EPC1: variants seen among roughly 807,000 people sequenced by gnomAD.
The protein encoded by EPC1 is enhancer of polycomb 1.
A neutral mutation model predicts 98.4 loss-of-function variants in EPC1; 12 were observed. That is an observed-to-expected ratio of 0.12 (90% CI 0.08 to 0.20). The LOEUF (loss-of-function observed/expected upper bound fraction) is 0.20. Ranked by LOEUF, EPC1 falls within the 10% of genes least tolerant of loss-of-function variation. The probability of loss-of-function intolerance (pLI) is 1.00; values close to 1 mark genes in which losing one functional copy is unlikely to be tolerated. For synonymous variants in EPC1, 357 were observed against 363.9 expected (o/e 0.98, Z 0.21); for missense variants, 729 against 990.5 (o/e 0.74, Z 3.54).
At chr10:32,281,398 C>G (rs1308867976) in intron 10 of EPC1, among the ~76,000 whole-genome samples, 1 of 152,134 alleles carries the variant, frequency 6.6e-6, no homozygotes, top group Non-Finnish European at 1.5e-5. Context: ...TGGCATCAGA[C>G]TACATCAGAG....
intron 1 of EPC1, among the ~76,000 whole-genome samples, chr10:32,313,093 AC>A (rs1357484818): frequency 6.6e-6 from 1 of 151,648 alleles, no homozygotes; most frequent in African/African-American, 2.4e-5. Context: ...TTTTTTAAGG[AC>A]TTCTGAGAGC....
At chr10:32,362,889 A>C (rs1839484423) in intron 1 of EPC1, among the ~76,000 whole-genome samples, 1 of 152,170 alleles carries the variant, frequency 6.6e-6, no homozygotes, top group Non-Finnish European at 1.5e-5. Context: ...GGAAGCCTGT[A>C]CTTCTTCTCC....
chr10:32,268,312 T>G lies in EPC1; in HGVS notation c.*751A>C, dbSNP rs1029829228. On this transcript the variant is annotated 3_prime_UTR_variant, in exon 14 of 14. Transcript: ENST00000319778. ...TAAGTACCAGAAACCACCCACAGCTTTGTGGGCAAGTTGGGGATGGAAAGA... is the reference window on the plus strand; with the variant it reads ...TAAGTACCAGAAACCACCCACAGCTGTGTGGGCAAGTTGGGGATGGAAAGA... 7.2e-5 allele frequency: 11 copies of G among 152,164 alleles called. No individual in the cohort carries two copies. Among genetic ancestry groups the G allele is most frequent in the Non-Finnish European group, 1.6e-4 (11 of 68,032 alleles). The allele number at this position is 152,164 out of a possible 1,614,324, so 9.4% of individuals were successfully genotyped here.
At chr10:32,346,312 G>A (rs930554494) in intron 1 of EPC1, among the ~76,000 whole-genome samples, 3 of 152,096 alleles carry the variant, frequency 2.0e-5, no homozygotes, top group Non-Finnish European at 4.4e-5. Context: ...GGGCAGCGGC[G>A]CGCAGGCCGC....
chr10:32,366,135 AAACAAC>A (rs1325305748), intron 1 of EPC1, among the ~76,000 whole-genome samples: 1 of 152,192 alleles, frequency 6.6e-6, no homozygotes, highest in Non-Finnish European at 1.5e-5. Flanking sequence ...CTCAGGCTAA[AAACAAC>A]AACAACAACG....
chr10:32,293,408 A>G (rs1834962525), intron 3 of EPC1, among the ~76,000 whole-genome samples, 184 bp downstream of exon 3: 1 of 152,188 alleles, frequency 6.6e-6, no homozygotes, highest in Admixed American at 6.5e-5. Context: ...AGGCACAGAA[A>G]AATTTAAACA....
At chr10:32,374,071 G>C (rs1003817268) in intron 1 of EPC1, among the ~76,000 whole-genome samples, 6 of 152,108 alleles carry the variant, frequency 3.9e-5, no homozygotes, top group Admixed American at 3.9e-4. Context: ...CAATTCATCT[G>C]TATAGAAATA....
chr10:32,356,644 A>G (rs917848027), intron 1 of EPC1, among the ~76,000 whole-genome samples: 1 of 152,206 alleles, frequency 6.6e-6, no homozygotes, highest in Non-Finnish European at 1.5e-5. Flanking sequence ...CTGTGAGCTG[A>G]GCCGTGAATT....
rs1289585952 is a variant in EPC1 at position 32,338,953 on chromosome 10, AT to A, written c.153+7809del. Among the ~76,000 whole-genome samples, 21 of 151,122 alleles carry A rather than the reference AT, an allele frequency of 1.4e-4. No individual in the cohort carries two copies. The East Asian group carries it at 1.5e-3, about 11-fold the overall frequency. ...ACCTTGTCTCAAAAAAAATAAATAA[AT>A]AAATAAATAAAATAATAAAAATAAT... On this transcript the variant is annotated intron_variant, in intron 1 of 13. Coordinates refer to ENST00000319778, the MANE Select transcript of EPC1 (RefSeq NM_001272004.3).
intron 1 of EPC1, 198 bp downstream of exon 1, chr10:32,346,565 C>T (rs1838831411): frequency 1.7e-6 from 1 of 601,582 alleles, no homozygotes; most frequent in South Asian, 2.0e-5. Flanking sequence ...AGCGGGTGGC[C>T]TTAGAAGGGG....
At chr10:32,335,528 A>G (rs1837904258) in intron 1 of EPC1, among the ~76,000 whole-genome samples, 1 of 152,080 alleles carries the variant, frequency 6.6e-6, no homozygotes, top group East Asian at 1.9e-4. Context: ...TGTGGATGGC[A>G]TACACACCCA....
At chr10:32,349,574 AAAACAAAC>A (rs71515555), upstream of EPC1, among the ~76,000 whole-genome samples, 26 of 151,320 alleles carry the variant, frequency 1.7e-4, no homozygotes, top group East Asian at 4.3e-3. Flanking sequence ...TTATAAAATT[AAAACAAAC>A]AAACAAACAA....
Position 32,267,893 on chromosome 10 carries a change from AG to A in EPC1, c.*1169del, listed in dbSNP as rs1204234208. 5 of 152,200 alleles carry A rather than the reference AG, an allele frequency of 3.3e-5. No individual in the cohort carries two copies. Among genetic ancestry groups the A allele is most frequent in the Non-Finnish European group, 4.4e-5 (3 of 68,044 alleles). The allele number at this position is 152,200 out of a possible 1,614,324, so 9.4% of individuals were successfully genotyped here. A position where few individuals can be genotyped will look rare whatever the true frequency, so the allele number is the denominator to read the frequency against. ...TCGGTACTGACAAAGCACTAGTAGTAGTCTGTTAAGTACCATTCTCTTCACA... is the reference window on the plus strand; with the variant it reads ...TCGGTACTGACAAAGCACTAGTAGTATCTGTTAAGTACCATTCTCTTCACA... On this transcript the variant is annotated 3_prime_UTR_variant, in exon 14 of 14. Transcript: ENST00000319778.
intron 1 of EPC1, among the ~76,000 whole-genome samples, chr10:32,310,797 C>T (rs1466217859): frequency 6.6e-6 from 1 of 151,774 alleles, no homozygotes; most frequent in Non-Finnish European, 1.5e-5. Context: ...TTGTTTGAAC[C>T]CGGGAGACAG....
chr10:32,292,218 C>A, intron 5 of EPC1: 1 of 193,956 alleles, frequency 5.2e-6, no homozygotes, highest in South Asian at 1.4e-4. Flanking sequence ...GCAGTACTAT[C>A]AATTAACTCA....
At chr10:32,282,564 T>G (rs796614252) in intron 10 of EPC1, 5 of 152,128 alleles carry the variant, frequency 3.3e-5, no homozygotes, top group African/African-American at 1.2e-4. Context: ...AGGAAAGAAA[T>G]GATAAAGAAG....
At chr10:32,283,200 C>T (rs1836498578) in intron 10 of EPC1, 1 of 152,370 alleles carries the variant, frequency 6.6e-6, no homozygotes, top group South Asian at 2.1e-4. Flanking sequence ...GCCTCTGTCA[C>T]CTCTCAGATG....
chr10:32,272,340 C>A (rs1432470075), intron 11 of EPC1, 173 bp from the exon 12 acceptor site: 3 of 542,924 alleles, frequency 5.5e-6, no homozygotes, highest in African/African-American at 3.8e-5. Context: ...TTTTGATAGT[C>A]ATATATTTGA....
intron 9 of EPC1, chr10:32,285,815 A>G (rs1836651534): frequency 6.6e-6 from 1 of 152,216 alleles, no homozygotes; most frequent in South Asian, 2.1e-4. Flanking sequence ...AATGGCTCCA[A>G]GTCAAAATAA....
Sources: gnomAD v4.1 joint callset for allele counts (sites outside exome capture counted in the v4.1 genomes callset) on GRCh38, gnomAD v4.1.1 for gene constraint, MANE v1.5 for transcripts, NCBI Gene and HGNC (gene_info 2026-07-23, HGNC 2026-07-21) for gene names.